The following SIL1 variants were observed in gnomAD, a reference collection of about 807,000 sequenced individuals.
SIL1 encodes SIL1 nucleotide exchange factor.
In SIL1, 40 loss-of-function variants were observed where a neutral mutation model predicts 49.1. The observed-to-expected ratio is 0.81, with a 90% confidence interval of 0.63 to 1.06. SIL1 has a LOEUF of 1.06. SIL1 is among the 50% of genes least tolerant of loss of function. SIL1 has a pLI of 0.00. For synonymous variants in SIL1, 253 were observed against 250.8 expected, an observed-to-expected ratio of 1.01 and a Z score of -0.08; for missense variants, 500 against 572.6, an observed-to-expected ratio of 0.87 and a Z score of 1.29.
At chr5:139,170,466 G>C (rs1449589865) in intron 1 of SIL1, among the ~76,000 whole-genome samples, 1 of 150,768 alleles carries the variant, frequency 6.6e-6, no homozygotes, top group Non-Finnish European at 1.5e-5. Flanking sequence ...AGTGAGGAGC[G>C]TCTCTGCCCG....
At chr5:139,137,950 G>A (rs1751008280) in intron 1 of SIL1, among the ~76,000 whole-genome samples, 1 of 150,116 alleles carries the variant, frequency 6.7e-6, no homozygotes, top group African/African-American at 2.5e-5. Flanking sequence ...ATTACTAAAT[G>A]CCCTTGGCAC....
chr5:139,056,535 CGGG>C (rs1769432278), intron 3 of SIL1, among the ~76,000 whole-genome samples: 2 of 147,102 alleles, frequency 1.4e-5, no homozygotes, highest in Non-Finnish European at 3.0e-5. Context: ...CCGCCCCGTC[CGGG>C]AGGGAGGTGG....
intron 1 of SIL1, among the ~76,000 whole-genome samples, chr5:139,164,073 C>T (rs1318993881): frequency 1.4e-5 from 2 of 146,882 alleles, no homozygotes; most frequent in Non-Finnish European, 3.0e-5. Context: ...AAGACAAGAT[C>T]GTGCCACTGC....
intron 3 of SIL1, among the ~76,000 whole-genome samples, chr5:139,072,250 A>AAT (rs1769850922): frequency 2.0e-5 from 3 of 152,352 alleles, no homozygotes; most frequent in South Asian, 2.1e-4. Context: ...AAAACATATT[A>AAT]ATACATTCTA....
chr5:138,974,516 C>G (rs964193443), intron 7 of SIL1, among the ~76,000 whole-genome samples: 1 of 152,342 alleles, frequency 6.6e-6, no homozygotes, highest in African/African-American at 2.4e-5. Context: ...ATCCACTCAG[C>G]TGATTTGGGA....
At chr5:139,055,632 C>G (rs1581063550) in intron 3 of SIL1, among the ~76,000 whole-genome samples, 1 of 113,004 alleles carries the variant, frequency 8.8e-6, no homozygotes, top group Non-Finnish European at 1.8e-5. Flanking sequence ...CTCTCCCCCT[C>G]TCCCCCTCTC....
intron 1 of SIL1, among the ~76,000 whole-genome samples, chr5:139,187,042 C>T (rs950999057): frequency 5.9e-5 from 9 of 152,208 alleles, no homozygotes; most frequent in African/African-American, 2.2e-4. Flanking sequence ...CCATATTACA[C>T]TCAGCATTAT....
chr5:139,035,362 A>G, intron 5 of SIL1: 1 of 534,464 alleles, frequency 1.9e-6, no homozygotes, highest in Non-Finnish European at 3.7e-6. Flanking sequence ...ATGTTTTTCC[A>G]TTTCTTTCTG....
At chr5:139,024,053 C>A (rs928962513) in intron 6 of SIL1, among the ~76,000 whole-genome samples, 2 of 152,182 alleles carry the variant, frequency 1.3e-5, no homozygotes, top group Admixed American at 6.5e-5. Flanking sequence ...AAACAAAGAA[C>A]TTTGTTGGGG....
rs1581149672 is a variant in SIL1, at chr5:139,171,306, C to G, written c.-11+26963G>C. On this transcript the variant is annotated intron_variant, in intron 1 of 9. Coordinates refer to ENST00000394817, the MANE Select transcript of SIL1 (RefSeq NM_022464.5). ...TTGAGAAATCGGATGGTTGCCGTAT[C>G]TGTGTAGAAAGAAGTAGACATGGGA... 2.0e-5 allele frequency among the ~76,000 whole-genome samples: 3 copies of G among 152,122 alleles called. No individual in the cohort carries two copies. The East Asian group carries it at 5.8e-4, about 29-fold the overall frequency.
chr5:139,034,622 T>C (rs1441505576), intron 5 of SIL1, among the ~76,000 whole-genome samples: 2 of 152,236 alleles, frequency 1.3e-5, no homozygotes, highest in African/African-American at 4.8e-5. Context: ...TTATGTTTAA[T>C]CCTTTCTTCC....
chr5:139,162,006 C>G (rs1355837970), intron 1 of SIL1, among the ~76,000 whole-genome samples: 1 of 150,720 alleles, frequency 6.6e-6, no homozygotes, highest in Non-Finnish European at 1.5e-5. Flanking sequence ...GAGAGAGACT[C>G]TGTCTCAAAA....
At chr5:138,976,821 G>A (rs531186003) in intron 7 of SIL1, among the ~76,000 whole-genome samples, 1 of 152,026 alleles carries the variant, frequency 6.6e-6, no homozygotes, top group South Asian at 2.1e-4. Flanking sequence ...TTAAATAGAG[G>A]AAACAATATA....
At chr5:138,984,727 C>A (rs1767615233) in intron 7 of SIL1, among the ~76,000 whole-genome samples, 1 of 152,104 alleles carries the variant, frequency 6.6e-6, no homozygotes, top group African/African-American at 2.4e-5. Context: ...GATTACCAAC[C>A]CCTACCATCC....
intron 1 of SIL1, among the ~76,000 whole-genome samples, chr5:139,191,190 CTCACACCT>C (rs1752159659): frequency 7.2e-6 from 1 of 139,564 alleles, no homozygotes; most frequent in Non-Finnish European, 1.5e-5. Context: ...CAAGATCACA[CTCACACCT>C]GGGTGACAGT....
At chr5:139,067,781 T>G (rs922447548) in intron 3 of SIL1, among the ~76,000 whole-genome samples, 1 of 152,238 alleles carries the variant, frequency 6.6e-6, no homozygotes, top group African/African-American at 2.4e-5. Flanking sequence ...CTTTTGGGCA[T>G]CTGGCAACAT....
At chr5:139,088,276 C>T (rs538311064) in intron 3 of SIL1, among the ~76,000 whole-genome samples, 4 of 152,178 alleles carry the variant, frequency 2.6e-5, no homozygotes, top group Non-Finnish European at 4.4e-5. Flanking sequence ...ACAGTGAAGT[C>T]AAAAATATCA....
In SIL1 at chr5:139,042,606, A is replaced by G. The variant is rs563707017; in HGVS notation, c.453+14T>C. ...TGCTGCAGGCTTATACTCACAGGAA[A>G]AATAATCACACACCTTGTCTTCCTT... On this transcript the variant is annotated intron_variant, in intron 5 of 9. Coordinates refer to ENST00000394817, the MANE Select transcript of SIL1 (RefSeq NM_022464.5). The G allele has an allele frequency of 1.8e-5, 29 of 1,612,456 alleles. No individual in the cohort carries two copies. In the East Asian group the frequency reaches 5.6e-4, roughly 31 times the overall value.
At chr5:139,137,301 G>A (rs1038766907) in intron 1 of SIL1, 1 of 702,210 alleles carries the variant, frequency 1.4e-6, no homozygotes, top group African/African-American at 1.7e-5. Flanking sequence ...ACCCATGAGG[G>A]GACCAAAATT....
Sources: gnomAD v4.1 joint callset for allele counts (sites outside exome capture counted in the v4.1 genomes callset) on GRCh38, gnomAD v4.1.1 for gene constraint, MANE v1.5 for transcripts, NCBI Gene and HGNC (gene_info 2026-07-23, HGNC 2026-07-21) for gene names.